The following RNF157 variants were observed in gnomAD, a reference collection of about 807,000 sequenced individuals.
RNF157 encodes ring finger protein 157, also known as E3 ubiquitin ligase RNF157.
Under a neutral mutation model 88.3 loss-of-function variants are expected in RNF157, and 55 were observed. That is an observed-to-expected ratio of 0.62 (90% CI 0.50 to 0.78). RNF157 has a LOEUF of 0.78. Among genes scored for constraint, RNF157 ranks in the 30% least tolerant of loss-of-function variants. The pLI, the probability that RNF157 is intolerant of heterozygous loss-of-function variation, is 0.00. For synonymous variants in RNF157, 334 were observed against 341.2 expected, an observed-to-expected ratio of 0.98 and a Z score of 0.23; for missense variants, 788 against 860.8, an observed-to-expected ratio of 0.92 and a Z score of 1.06.
At chr17:76,225,109 C>T (rs1173481740) in intron 1 of RNF157, among the ~76,000 whole-genome samples, 6 of 152,104 alleles carry the variant, frequency 3.9e-5, no homozygotes, top group Admixed American at 6.6e-5. Context: ...GAGGCAGAGG[C>T]TGCAGTGAGC....
At position 76,195,990 on chromosome 17, in the gene RNF157, T is replaced by C. The variant is rs1195317574; in HGVS notation, c.207+16374A>G. On this transcript the variant is annotated intron_variant, in intron 2 of 18. Coordinates refer to ENST00000269391, the MANE Select transcript of RNF157 (RefSeq NM_052916.3). The surrounding 1 kb of genome is among the most constrained non-coding windows in gnomAD (Gnocchi z 4.4). ...CCAATGACCCGGAAGGTACTATCCT[T>C]CTTGAAATTTCTTTATAATTTGTCC... Among the ~76,000 whole-genome samples, 1 of 152,196 alleles carries C rather than the reference T, an allele frequency of 6.6e-6. No homozygotes were observed. The highest frequency in any genetic ancestry group is 1.5e-5 in the Non-Finnish European group (1 of 68,036).
At chr17:76,168,926 T>C (rs776368623) in intron 3 of RNF157, among the ~76,000 whole-genome samples, 1 of 152,246 alleles carries the variant, frequency 6.6e-6, no homozygotes, top group African/African-American at 2.4e-5. Context: ...CTCCCAGCGT[T>C]GCTCCCAAGA....
intron 1 of RNF157, chr17:76,226,057 A>C: frequency 6.2e-7 from 1 of 1,606,518 alleles, no homozygotes; most frequent in Non-Finnish European, 8.5e-7. Flanking sequence ...CACAGAGAAC[A>C]CCTGGAGATG....
At chr17:76,164,674 A>G in intron 8 of RNF157, 74 bp downstream of exon 8, 1 of 827,430 alleles carries the variant, frequency 1.2e-6, no homozygotes, top group South Asian at 2.0e-5. Flanking sequence ...AAAGAGGGAG[A>G]GAGAAGAAGA....
intron 18 of RNF157, 62 bp downstream of exon 18, chr17:76,152,293 G>A (rs1568021822): frequency 9.3e-7 from 1 of 1,070,086 alleles, no homozygotes; most frequent in Non-Finnish European, 1.5e-6. Context: ...CAGGGTGAGA[G>A]CAGGGGTAAG....
chr17:76,149,973 C>T (rs1438905706), intron 18 of RNF157, among the ~76,000 whole-genome samples: 1 of 152,058 alleles, frequency 6.6e-6, no homozygotes, highest in Non-Finnish European at 1.5e-5. Flanking sequence ...GTGGAGGTTG[C>T]AGTGAGCCGA....
chr17:76,206,772 C>G (rs2069688455), intron 2 of RNF157, among the ~76,000 whole-genome samples: 1 of 152,006 alleles, frequency 6.6e-6, no homozygotes, highest in Non-Finnish European at 1.5e-5. Context: ...GAACCTTTGT[C>G]TCAAAAAACA....
At chr17:76,151,168 C>A (rs998554873) in intron 18 of RNF157, among the ~76,000 whole-genome samples, 29 of 152,172 alleles carry the variant, frequency 1.9e-4, no homozygotes, top group Non-Finnish European at 4.0e-4. Flanking sequence ...CCTGGGCCTG[C>A]GCAGGAGAAG....
chr17:76,199,912 A>T (rs957724034), intron 2 of RNF157, among the ~76,000 whole-genome samples: 2 of 152,230 alleles, frequency 1.3e-5, no homozygotes, highest in African/African-American at 4.8e-5. Flanking sequence ...TTCAAAACTG[A>T]ACCTACAACA....
intron 2 of RNF157, among the ~76,000 whole-genome samples, chr17:76,183,990 G>C (rs1598411534): frequency 6.6e-6 from 1 of 152,198 alleles, no homozygotes; most frequent in Non-Finnish European, 1.5e-5. Context: ...AGGAGTTTGA[G>C]ACCAGCCTGG....
intron 2 of RNF157, among the ~76,000 whole-genome samples, chr17:76,174,353 T>C (rs2069070137): frequency 6.6e-6 from 1 of 152,174 alleles, no homozygotes. Flanking sequence ...CAAGAGTTAT[T>C]TTGGGGTCAC....
chr17:76,227,117 G>GTTT (rs533845540), intron 1 of RNF157, among the ~76,000 whole-genome samples: 8 of 138,168 alleles, frequency 5.8e-5, no homozygotes, highest in African/African-American at 1.6e-4. Context: ...CTCTTTTTTT[G>GTTT]TTTTTTTTTT....
At chr17:76,203,410 T>A (rs1011138514) in intron 2 of RNF157, among the ~76,000 whole-genome samples, 1 of 152,158 alleles carries the variant, frequency 6.6e-6, no homozygotes, top group Non-Finnish European at 1.5e-5. Context: ...GCAAAGCCAT[T>A]CATGACTATG....
At chr17:76,219,234 A>C (rs1313770362) in intron 1 of RNF157, among the ~76,000 whole-genome samples, 1 of 151,928 alleles carries the variant, frequency 6.6e-6, no homozygotes, top group African/African-American at 2.4e-5. Flanking sequence ...GAAAAATACA[A>C]ACCTTCCTAA....
chr17:76,235,954 A>G (rs2070276398), intron 1 of RNF157, among the ~76,000 whole-genome samples: 1 of 152,190 alleles, frequency 6.6e-6, no homozygotes, highest in Non-Finnish European at 1.5e-5. Context: ...GGTTACAGTG[A>G]GCTTTGATAA....
At chr17:76,170,993 C>T (rs2069003739) in intron 3 of RNF157, among the ~76,000 whole-genome samples, 1 of 150,474 alleles carries the variant, frequency 6.6e-6, no homozygotes, top group Admixed American at 6.6e-5. Context: ...CCCGGGTTCA[C>T]ATCATTCTCC....
At chr17:76,174,943 T>C (rs2069080096) in intron 2 of RNF157, among the ~76,000 whole-genome samples, 2 of 152,242 alleles carry the variant, frequency 1.3e-5, no homozygotes, top group Admixed American at 1.3e-4. Flanking sequence ...TTAAAAATGA[T>C]AGTTTTTTCT....
chr17:76,196,072 C>T (rs1331338637), intron 2 of RNF157, among the ~76,000 whole-genome samples: 1 of 152,208 alleles, frequency 6.6e-6, no homozygotes, highest in Non-Finnish European at 1.5e-5. Context: ...CTGCTCTGAG[C>T]CGCTACTCTC....
chr17:76,161,667 CA>C lies in RNF157; in HGVS notation c.953-21del. ...GGAAGGCTGTGAAGGAGAAAACAGG[CA>C]ATCAGGACATCCTGATACAGGATTA... is the stretch of plus-strand genomic sequence containing the variant. On this transcript the variant is annotated intron_variant, in intron 10 of 18. Coordinates refer to ENST00000269391, the MANE Select transcript of RNF157 (RefSeq NM_052916.3). This position sits in a 1 kb window ranked among gnomAD's most constrained non-coding sequence, Gnocchi z 4.6. 6 of 1,598,334 alleles carry C rather than the reference CA, an allele frequency of 3.8e-6. No homozygotes were observed. The highest frequency in any genetic ancestry group is 5.1e-6 in the Non-Finnish European group (6 of 1,166,682).
Sources: allele counts gnomAD v4.1 joint callset (sites outside exome capture counted in the v4.1 genomes callset), GRCh38; gene constraint gnomAD v4.1.1; non-coding constraint Gnocchi (gnomAD v3.1); transcripts MANE v1.5; gene names NCBI Gene and HGNC (gene_info 2026-07-23, HGNC 2026-07-21).